Variants in ZMAT1 observed in about 807,000 individuals in gnomAD.
ZMAT1 encodes the protein zinc finger matrin-type 1.
Under a neutral mutation model 18.5 loss-of-function variants are expected in ZMAT1, and 11 were observed. The observed-to-expected ratio is 0.59, with a 90% CI of 0.37 to 0.98. ZMAT1 has a LOEUF of 0.98. ZMAT1 is among the 50% of genes least tolerant of loss of function. ZMAT1 has a pLI of 0.01. For missense variants in ZMAT1, 525 were observed against 496.2 expected, an observed-to-expected ratio of 1.06 and a Z score of -0.55; for synonymous variants, 211 against 176.4, an observed-to-expected ratio of 1.20 and a Z score of -1.55.
intron 1 of ZMAT1, among the ~76,000 whole-genome samples, chrX:101,917,066 C>A (rs1929382998): frequency 8.9e-6 from 1 of 111,919 alleles, no homozygotes; most frequent in African/African-American, 3.3e-5. Context: ...AAATGTAAGA[C>A]CTCAAACCAT....
intron 1 of ZMAT1, among the ~76,000 whole-genome samples, chrX:101,930,416 C>G (rs1456748734): frequency 8.9e-6 from 1 of 112,492 alleles, no homozygotes; most frequent in Non-Finnish European, 1.9e-5. Flanking sequence ...GTACTTCTAA[C>G]TTCCATATTT....
At chrX:101,918,925 C>A (rs1929539262) in intron 1 of ZMAT1, among the ~76,000 whole-genome samples, 1 of 110,679 alleles carries the variant, frequency 9.0e-6, no homozygotes, top group Non-Finnish European at 1.9e-5. Context: ...TTCCATGAAG[C>A]CTATGAAAAT....
At chrX:101,931,429 A>AT (rs1286708960) in intron 1 of ZMAT1, 1,879 of 725,584 alleles carry the variant, frequency 2.6e-3, no homozygotes, top group Non-Finnish European at 3.0e-3. Flanking sequence ...ATTATGTGGT[A>AT]TTTTTTTTTC....
chrX:101,884,947 C>T, intron 5 of ZMAT1, 126 bp from the exon 6 acceptor site: 1 of 434,610 alleles, frequency 2.3e-6, no homozygotes, highest in Non-Finnish European at 3.7e-6. Flanking sequence ...ATTTTAAAAA[C>T]CTACTTTATT....
Position 101,886,750 on chromosome X carries a change from C to A in ZMAT1, c.677-19G>T, listed in dbSNP as rs1926982461. 1 of 1,100,770 alleles carries A rather than the reference C, an allele frequency of 9.1e-7. No homozygotes were observed. Among genetic ancestry groups the A allele is most frequent in the Non-Finnish European group, 1.2e-6 (1 of 804,357 alleles). The allele number at this position is 1,100,770 out of a possible 1,213,427, so 90.7% of individuals were successfully genotyped here. On this transcript the variant is annotated intron_variant, in intron 4 of 5. Coordinates refer to ENST00000651725, the MANE Select transcript of ZMAT1 (RefSeq NM_001394560.1). ...CTAAATGCTGAAAAAACAAAGAGTT[C>A]AAGTTAAGAAGGTCAGTATAAATAC...
At chrX:101,911,648 A>T in intron 1 of ZMAT1, 1 of 1,205,579 alleles carries the variant, frequency 8.3e-7, no homozygotes, top group Non-Finnish European at 1.1e-6. Flanking sequence ...CACGCTGGGG[A>T]GAAGCCAGCC....
intron 5 of ZMAT1, among the ~76,000 whole-genome samples, chrX:101,886,257 C>T (rs1926938693): frequency 8.9e-6 from 1 of 111,747 alleles, no homozygotes; most frequent in African/African-American, 3.3e-5. Flanking sequence ...GACCTCTGTT[C>T]TTAACCACTA....
At chrX:101,891,332 T>C (rs1377222844) in intron 4 of ZMAT1, among the ~76,000 whole-genome samples, 1 of 111,801 alleles carries the variant, frequency 8.9e-6, no homozygotes, top group Non-Finnish European at 1.9e-5. Flanking sequence ...TCCCATTAAC[T>C]GAAATTGGAA....
chrX:101,922,395 C>CTT (rs761373435), intron 1 of ZMAT1, among the ~76,000 whole-genome samples: 26 of 102,162 alleles, frequency 2.5e-4, no homozygotes, highest in African/African-American at 8.5e-4. Flanking sequence ...AAGGCTAGGC[C>CTT]TTTTTTTTTT....
At chrX:101,916,271 G>T (rs1929325805) in intron 1 of ZMAT1, among the ~76,000 whole-genome samples, 3 of 111,025 alleles carry the variant, frequency 2.7e-5, no homozygotes, top group Non-Finnish European at 5.7e-5. Flanking sequence ...GAGAGCATTA[G>T]GGCAAATAGC....
At chrX:101,926,901 T>A (rs1930090702) in intron 1 of ZMAT1, among the ~76,000 whole-genome samples, 1 of 112,216 alleles carries the variant, frequency 8.9e-6, no homozygotes, top group Admixed American at 9.5e-5. Flanking sequence ...GGCCAACTGA[T>A]CTTGATGCAA....
Position 101,894,725 on chromosome X carries a change from T to A in ZMAT1, c.676+3143A>T, listed in dbSNP as rs943492729. 3 of 747,826 alleles carry A rather than the reference T, an allele frequency of 4.0e-6. No individual in the cohort carries two copies. The African/African-American group carries it at 7.0e-5, about 18-fold the overall frequency. The allele number at this position is 747,826 out of a possible 1,213,427, so 61.6% of individuals were successfully genotyped here. A position where few individuals can be genotyped will look rare whatever the true frequency, so the allele number is the denominator to read the frequency against. ...ACAGAAATAGAGAAGAACCAGAGCATAAAGAGTTACATATGACAAAGAATA... is the reference window on the plus strand; with the variant it reads ...ACAGAAATAGAGAAGAACCAGAGCAAAAAGAGTTACATATGACAAAGAATA... On this transcript the variant is annotated intron_variant, in intron 4 of 5. Coordinates refer to ENST00000651725, the MANE Select transcript of ZMAT1 (RefSeq NM_001394560.1).
At chrX:101,892,826 T>C (rs555436170) in intron 4 of ZMAT1, 2 of 517,803 alleles carry the variant, frequency 3.9e-6, no homozygotes, top group Middle Eastern at 1.2e-3. Context: ...GGGAGAAACA[T>C]ATATAAACAA....
chrX:101,883,875 A>C lies in ZMAT1; in HGVS notation c.1723T>G (p.Tyr575Asp). 1 of 1,209,969 alleles carries C rather than the reference A, an allele frequency of 8.3e-7. No individual in the cohort carries two copies. The highest frequency in any genetic ancestry group is 1.1e-6 in the Non-Finnish European group (1 of 894,950). Residue 575 changes from tyrosine to aspartate, a missense_variant, in exon 6 of 6, where the codon TAC becomes GAC. Tyr to Asp is a radical substitution (Grantham distance 160). Transcript: ENST00000651725. ...SGSYSVESEV[Y>D]KHLSSENNTA... ...TTGTTTTCTGAAGAGAGGTGCTTGT[A>C]AACTTCAGATTCTACACTGTATGAG...
At chrX:101,908,733 G>A (rs1236501162) in intron 1 of ZMAT1, among the ~76,000 whole-genome samples, 1 of 111,706 alleles carries the variant, frequency 9.0e-6, no homozygotes, top group East Asian at 2.8e-4. Context: ...GAGAGGAGTT[G>A]TTCATCCCAG....
intron 1 of ZMAT1, among the ~76,000 whole-genome samples, chrX:101,930,451 C>T (rs1468062550): frequency 2.7e-5 from 3 of 112,218 alleles, no homozygotes; most frequent in Non-Finnish European, 5.6e-5. Flanking sequence ...ATGTAATGTG[C>T]CTATACAAAT....
chrX:101,925,671 G>C (rs903602514), intron 1 of ZMAT1, among the ~76,000 whole-genome samples: 1 of 112,581 alleles, frequency 8.9e-6, no homozygotes, highest in African/African-American at 3.2e-5. Flanking sequence ...ACACATGTAG[G>C]CACTTGATAA....
In ZMAT1 at chrX:101,904,242, T is replaced by C. The variant is rs1340769652; in HGVS notation, c.381A>G (p.Gln127=). The C allele has an allele frequency of 8.3e-7, 1 of 1,200,686 alleles. No individual in the cohort carries two copies. Among genetic ancestry groups the C allele is most frequent in the Non-Finnish European group, 1.1e-6 (1 of 890,063 alleles). Residue 127 remains glutamine (Q), a synonymous_variant, in exon 2 of 6, where the codon CAA becomes CAG. Transcript: ENST00000651725. ...AACCTACCTCATAATGTGAAATTCTTTGTGATTCAAACTGTAGCATCACTC... is the reference window on the plus strand; with the variant it reads ...AACCTACCTCATAATGTGAAATTCTCTGTGATTCAAACTGTAGCATCACTC... ...VCGVMLQFES[Q]RISHYEGEKH...
intron 4 of ZMAT1, among the ~76,000 whole-genome samples, chrX:101,892,217 CTATAGT>C (rs1431010334): frequency 9.0e-6 from 1 of 111,351 alleles, no homozygotes; most frequent in African/African-American, 3.3e-5. Context: ...TACCCAATCT[CTATAGT>C]TTATAATTTT....
Sources: allele counts gnomAD v4.1 joint callset (sites outside exome capture counted in the v4.1 genomes callset), GRCh38; gene constraint gnomAD v4.1.1; transcripts MANE v1.5; gene names NCBI Gene and HGNC (gene_info 2026-07-23, HGNC 2026-07-21).